BPIFC: variants seen among roughly 807,000 people sequenced by gnomAD.
BPIFC encodes BPI fold containing family C.
BPIFC carries 60 observed loss-of-function variants against 57.6 expected under a neutral mutation model. The ratio of observed to expected loss-of-function variants is 1.04; its 90% confidence interval spans 0.85 to 1.29. The LOEUF (loss-of-function observed/expected upper bound fraction) is 1.29, where lower values mean the gene tolerates loss of function less well. Among genes scored for constraint, BPIFC ranks in the 50% most tolerant of loss-of-function variants. The pLI is 0.00. For missense variants in BPIFC, 581 were observed against 600.5 expected (o/e 0.97, Z 0.34); for synonymous variants, 243 against 224.5 (o/e 1.08, Z -0.74).
intron 5 of BPIFC, 85 bp downstream of exon 5, chr22:32,447,127 C>A: frequency 2.1e-6 from 3 of 1,422,602 alleles, no homozygotes; most frequent in Admixed American, 2.6e-5. Flanking sequence ...AAGCCTATTG[C>A]CAAAAACATT....
At chr22:32,440,129 A>C (rs1934523314) in intron 8 of BPIFC, among the ~76,000 whole-genome samples, 2 of 151,974 alleles carry the variant, frequency 1.3e-5, no homozygotes, top group South Asian at 4.1e-4. Flanking sequence ...TCCATTTATC[A>C]GTCTAATATA....
chr22:32,442,496 C>A (rs1456754022), intron 8 of BPIFC, among the ~76,000 whole-genome samples, 175 bp downstream of exon 8: 2 of 152,168 alleles, frequency 1.3e-5, no homozygotes, highest in East Asian at 3.9e-4. Flanking sequence ...CCAAAGAGTA[C>A]ATATGCCCTA....
chr22:32,459,844 C>G (rs532315003), intron 2 of BPIFC, among the ~76,000 whole-genome samples: 2 of 141,076 alleles, frequency 1.4e-5, no homozygotes, highest in Admixed American at 1.4e-4. Flanking sequence ...GAGCAAGATC[C>G]TGTCTCAAAA....
At chr22:32,415,789 C>T (rs1444225359) in intron 16 of BPIFC, 126 bp downstream of exon 16, 5 of 591,408 alleles carry the variant, frequency 8.5e-6, no homozygotes, top group Non-Finnish European at 1.4e-5. Flanking sequence ...ATAAGATTCC[C>T]TGGTCTGGGA....
intron 13 of BPIFC, among the ~76,000 whole-genome samples, chr22:32,423,028 G>T (rs1933893259): frequency 6.6e-6 from 1 of 152,182 alleles, no homozygotes; most frequent in South Asian, 2.1e-4. Context: ...AAGGACATGG[G>T]TTGGGGAGTG....
intron 4 of BPIFC, among the ~76,000 whole-genome samples, chr22:32,451,693 TAATA>T (rs1434016510): frequency 3.9e-5 from 6 of 152,004 alleles, no homozygotes; most frequent in Non-Finnish European, 1.5e-5. Context: ...ACTTAAAGTA[TAATA>T]AATATATATA....
chr22:32,448,490 A>G (rs1934796713), intron 4 of BPIFC, among the ~76,000 whole-genome samples: 1 of 152,070 alleles, frequency 6.6e-6, no homozygotes, highest in Non-Finnish European at 1.5e-5. Flanking sequence ...CCTTCCTCCT[A>G]TTTCCAAATG....
Position 32,414,428 on chromosome 22 carries a change from G to A in BPIFC, c.1402-3C>T, listed in dbSNP as rs776759163. 4.3e-5 allele frequency: 69 copies of A among 1,613,034 alleles called. No individual in the cohort carries two copies. Among genetic ancestry groups the A allele is most frequent in the Non-Finnish European group, 5.9e-5 (69 of 1,179,448 alleles). On this transcript the variant is annotated splice_polypyrimidine_tract_variant and splice_region_variant and intron_variant, in intron 16 of 16. Transcript: ENST00000300399. Reference sequence around the variant, plus strand: ...TCGGTGGAAATCAAAAGGAAACCCTGGAAAGGATGTGACAATGAAGATAAC... The same window carrying A: ...TCGGTGGAAATCAAAAGGAAACCCTAGAAAGGATGTGACAATGAAGATAAC...
At chr22:32,426,973 C>T (rs998488887) in intron 13 of BPIFC, among the ~76,000 whole-genome samples, 2 of 152,178 alleles carry the variant, frequency 1.3e-5, no homozygotes, top group Admixed American at 6.5e-5. Context: ...GCAGTGGGCC[C>T]TGCAAATTAT....
intron 12 of BPIFC, among the ~76,000 whole-genome samples, chr22:32,431,998 A>G (rs1371138854): frequency 7.4e-6 from 1 of 134,612 alleles, no homozygotes; most frequent in African/African-American, 2.8e-5. Context: ...CAGTGGTGCA[A>G]TCATAGCTCA....
At chr22:32,436,927 C>T (rs201757602) in intron 9 of BPIFC, among the ~76,000 whole-genome samples, 1 of 152,160 alleles carries the variant, frequency 6.6e-6, no homozygotes, top group East Asian at 1.9e-4. Context: ...AAATATGAGC[C>T]AATATGCATT....
intron 8 of BPIFC, among the ~76,000 whole-genome samples, chr22:32,442,368 C>T (rs994371908): frequency 6.6e-6 from 1 of 152,178 alleles, no homozygotes; most frequent in Non-Finnish European, 1.5e-5. Context: ...GTTAATCCCT[C>T]TGAAGAGAAG....
intron 1 of BPIFC, among the ~76,000 whole-genome samples, chr22:32,462,088 T>G (rs1050560496): frequency 7.3e-6 from 1 of 137,274 alleles, no homozygotes; most frequent in African/African-American, 2.8e-5. Flanking sequence ...GAGAATCACT[T>G]GAACCCAGGA....
At chr22:32,448,072 T>C (rs531033952) in intron 4 of BPIFC, among the ~76,000 whole-genome samples, 20 of 138,126 alleles carry the variant, frequency 1.4e-4, no homozygotes, top group African/African-American at 4.8e-4. Context: ...TTTTTCTTTT[T>C]TCTTTTTTTT....
chr22:32,453,142 G>C (rs7290825), intron 4 of BPIFC, among the ~76,000 whole-genome samples: 80,003 of 151,992 alleles, frequency 0.53, 21,824 homozygotes, highest in African/African-American at 0.64. Context: ...TTTTAAGAAC[G>C]CCTTTACCCT....
At chr22:32,444,221 A>C (rs1260488004) in intron 7 of BPIFC, among the ~76,000 whole-genome samples, 1 of 152,178 alleles carries the variant, frequency 6.6e-6, no homozygotes, top group Admixed American at 6.5e-5. Flanking sequence ...GGGGTCCTTG[A>C]GGATGACAGT....
chr22:32,416,986 C>G, intron 15 of BPIFC, 99 bp downstream of exon 15: 2 of 1,081,360 alleles, frequency 1.8e-6, no homozygotes, highest in Non-Finnish European at 2.9e-6. Context: ...GAAGTACAAG[C>G]TTCAGGGTGG....
In BPIFC at chr22:32,428,637, G is replaced by A. The variant is rs529115115; in HGVS notation, c.1217+2710C>T. ...TGTATTTCTGGGCATGGTGGCTCAC[G>A]CCTGTAATCCCAGCACTTTGGGAGG... On this transcript the variant is annotated intron_variant, in intron 13 of 16. Coordinates refer to ENST00000300399, the MANE Select transcript of BPIFC (RefSeq NM_174932.3). Among the ~76,000 whole-genome samples the A allele has an allele frequency of 4.0e-5, 6 of 151,400 alleles. 1 individual carries two copies. In the South Asian group the frequency reaches 8.6e-4, roughly 22 times the overall value.
rs139484255 is a variant in BPIFC, at chr22:32,436,318, G to GGAA, written c.748-441_748-439dup. Among the ~76,000 whole-genome samples the GGAA allele has an allele frequency of 5.9e-4, 70 of 118,852 alleles. 6 individuals carry two copies. The highest frequency in any genetic ancestry group is 9.8e-4 in the Non-Finnish European group (49 of 49,858). 78.0% of individuals were successfully genotyped at this position (118,852 alleles called of 152,430 possible). Reference sequence around the variant, plus strand: ...CTTGTCCAAAAGAAGAAGAGGAAGAGGAAGAAGAAGAAGAAGAAAGAAGAG... The same window carrying GGAA: ...CTTGTCCAAAAGAAGAAGAGGAAGAGGAAGAAGAAGAAGAAGAAGAAAGAAGAG... On this transcript the variant is annotated intron_variant, in intron 9 of 16. Transcript: ENST00000300399.
Sources: gnomAD v4.1 joint callset for allele counts (sites outside exome capture counted in the v4.1 genomes callset) on GRCh38, gnomAD v4.1.1 for gene constraint, MANE v1.5 for transcripts, NCBI Gene and HGNC (gene_info 2026-07-23, HGNC 2026-07-21) for gene names.